The following SHB variants were observed in gnomAD, a reference collection of about 807,000 sequenced individuals.
SHB encodes SH2 domain containing adaptor protein B, also known as SH2 domain-containing adapter protein B.
A neutral mutation model predicts 52.3 loss-of-function variants in SHB; 20 were observed. The observed-to-expected ratio is 0.38, with a 90% CI of 0.27 to 0.56. SHB has a LOEUF of 0.56. Ranked by LOEUF, SHB falls within the 20% of genes least tolerant of loss-of-function variation. The pLI is 0.71. For missense variants in SHB, 825 were observed against 723.3 expected, an observed-to-expected ratio of 1.14 and a Z score of -1.61; for synonymous variants, 397 against 316.5, an observed-to-expected ratio of 1.25 and a Z score of -2.70.
At chr9:37,960,249 C>CA (rs1284912980) in intron 3 of SHB, among the ~76,000 whole-genome samples, 1 of 152,230 alleles carries the variant, frequency 6.6e-6, no homozygotes, top group African/African-American at 2.4e-5. Flanking sequence ...GCACCAAACA[C>CA]AACTGCTCTC....
chr9:38,022,635 C>A (rs1281625872), intron 1 of SHB, among the ~76,000 whole-genome samples: 1 of 152,216 alleles, frequency 6.6e-6, no homozygotes, highest in Non-Finnish European at 1.5e-5. Context: ...CCCCATAACA[C>A]AGGCCCTAGC....
At chr9:37,993,829 T>C (rs1469996684) in intron 2 of SHB, among the ~76,000 whole-genome samples, 1 of 152,208 alleles carries the variant, frequency 6.6e-6, no homozygotes, top group African/African-American at 2.4e-5. Context: ...AAGGTTCTCT[T>C]CTAAATAGGA....
chr9:38,035,919 T>C (rs1389228921), intron 1 of SHB, among the ~76,000 whole-genome samples: 2 of 152,144 alleles, frequency 1.3e-5, no homozygotes, highest in Non-Finnish European at 2.9e-5. Context: ...CCCTAGGAGC[T>C]TGGATACAAT....
intron 1 of SHB, among the ~76,000 whole-genome samples, chr9:38,048,571 T>C (rs1050622378): frequency 2.0e-5 from 3 of 152,078 alleles, no homozygotes. Context: ...GAGGTGGAGG[T>C]TGCTGTGAGC....
intron 2 of SHB, among the ~76,000 whole-genome samples, chr9:37,986,778 G>A (rs1820812262): frequency 6.6e-6 from 1 of 152,208 alleles, no homozygotes. Flanking sequence ...GACAGGGCGG[G>A]CATCCCCGGG....
In SHB at chr9:38,007,643, C is replaced by T. The variant is rs556927346; in HGVS notation, c.838+8368G>A. Among the ~76,000 whole-genome samples, 3 of 152,322 alleles carry T rather than the reference C, an allele frequency of 2.0e-5. No individual in the cohort carries two copies. The East Asian group carries it at 5.8e-4, about 29-fold the overall frequency. On this transcript the variant is annotated intron_variant, in intron 2 of 5. Transcript: ENST00000377707. ...GGTCCCAGGAGTGAATTAATGCACT[C>T]ATTCATTCAACCAGTGTTTACTGAC...
intron 1 of SHB, among the ~76,000 whole-genome samples, chr9:38,024,743 TTTC>T (rs770348976): frequency 1.1e-4 from 16 of 152,130 alleles, no homozygotes; most frequent in Non-Finnish European, 1.8e-4. Flanking sequence ...AATCCTAGAA[TTTC>T]TTAAGTGCTT....
At chr9:38,031,832 G>A (rs572337481) in intron 1 of SHB, among the ~76,000 whole-genome samples, 3 of 152,250 alleles carry the variant, frequency 2.0e-5, no homozygotes, top group East Asian at 1.9e-4. Flanking sequence ...ATCCTGAAAG[G>A]GAGGCAAAGG....
At chr9:38,067,553 G>A (rs1821986454) in intron 1 of SHB, among the ~76,000 whole-genome samples, 1 of 152,214 alleles carries the variant, frequency 6.6e-6, no homozygotes, top group African/African-American at 2.4e-5. Flanking sequence ...TACAGCGTGA[G>A]CGGAGGGTGG....
At chr9:38,051,440 TAAAAA>T (rs59860349) in intron 1 of SHB, among the ~76,000 whole-genome samples, 2 of 107,540 alleles carry the variant, frequency 1.9e-5, no homozygotes, top group Non-Finnish European at 1.8e-5. Context: ...AGACTCCGTC[TAAAAA>T]AAAAAAAAAA....
chr9:38,059,870 G>A (rs570813107), intron 1 of SHB, among the ~76,000 whole-genome samples: 2 of 152,314 alleles, frequency 1.3e-5, no homozygotes, highest in East Asian at 1.9e-4. Context: ...TTCTCCATCT[G>A]CAAAGGGGAG....
intron 1 of SHB, among the ~76,000 whole-genome samples, chr9:38,037,546 GAGA>G (rs1451471630): frequency 1.3e-5 from 2 of 152,202 alleles, no homozygotes; most frequent in African/African-American, 4.8e-5. Context: ...GTGTCACCTT[GAGA>G]AGTTTGCTCA....
rs16934658 is a variant in SHB, at chr9:37,950,546, C to T, written c.1227-1792G>A. On this transcript the variant is annotated intron_variant, in intron 4 of 5. Coordinates refer to ENST00000377707, the MANE Select transcript of SHB (RefSeq NM_003028.3). ...ATTCCTGTTTACATGATGGTCTCTGCGCGGTAGTGGAGGGGGTGAGACTCA... is the reference window on the plus strand; with the variant it reads ...ATTCCTGTTTACATGATGGTCTCTGTGCGGTAGTGGAGGGGGTGAGACTCA... Among the ~76,000 whole-genome samples the T allele has an allele frequency of 3.1e-4, 47 of 152,210 alleles. 2 individuals are homozygous for T. The highest frequency in any genetic ancestry group is 2.8e-3 in the Admixed American group (43 of 15,294).
intron 1 of SHB, among the ~76,000 whole-genome samples, chr9:38,022,850 G>A (rs978117224): frequency 6.6e-6 from 1 of 152,222 alleles, no homozygotes; most frequent in African/African-American, 2.4e-5. Flanking sequence ...AGCCAGTAAA[G>A]GAACACGCTG....
chr9:37,958,230 C>T (rs961967532), intron 3 of SHB, among the ~76,000 whole-genome samples: 4 of 152,188 alleles, frequency 2.6e-5, no homozygotes, highest in Non-Finnish European at 4.4e-5. Flanking sequence ...AGGCAGTGCC[C>T]GCCAGTGGTC....
In SHB at chr9:38,067,924, C is replaced by T; in HGVS notation, c.717+5G>A. The T allele has an allele frequency of 6.6e-7, 1 of 1,513,916 alleles. No individual in the cohort carries two copies. Among genetic ancestry groups the T allele is most frequent in the Non-Finnish European group, 8.8e-7 (1 of 1,141,516 alleles). The allele number at this position is 1,513,916 out of a possible 1,614,324, so 93.8% of individuals were successfully genotyped here. ...ACCTCGGGAAGAGGCCAAGGGGCAC[C>T]TTACCTTGTCCTTCTTGCCGGCCCC... On this transcript the variant is annotated splice_donor_5th_base_variant and intron_variant, in intron 1 of 5. Coordinates refer to ENST00000377707, the MANE Select transcript of SHB (RefSeq NM_003028.3).
In SHB at chr9:38,067,914, C is replaced by CA. The variant is rs201550127; in HGVS notation, c.717+14dup. On this transcript the variant is annotated intron_variant, in intron 1 of 5. Transcript: ENST00000377707. ...TGGCTCTGGAACCTCGGGAAGAGGC[C>CA]AAGGGGCACCTTACCTTGTCCTTCT... 3,672 of 1,486,302 alleles carry CA rather than the reference C, an allele frequency of 2.5e-3. 66 individuals are homozygous for CA. The African/African-American group carries it at 0.047, about 19-fold the overall frequency. 92.1% of individuals were successfully genotyped at this position (1,486,302 alleles called of 1,614,324 possible). A position where few individuals can be genotyped will look rare whatever the true frequency, so the allele number is the denominator to read the frequency against.
intron 5 of SHB, among the ~76,000 whole-genome samples, chr9:37,931,207 A>AT (rs1232650299): frequency 6.6e-6 from 1 of 152,158 alleles, no homozygotes; most frequent in African/African-American, 2.4e-5. Context: ...CTTGGCAATG[A>AT]TTTTTTTGGA....
At chr9:38,067,834 G>T (rs1010281496) in intron 1 of SHB, 95 bp downstream of exon 1, 2 of 1,295,152 alleles carry the variant, frequency 1.5e-6, no homozygotes, top group Non-Finnish European at 2.0e-6. Context: ...GGCCGAAGCT[G>T]AAGTAGAGAC....
Sources: allele counts gnomAD v4.1 joint callset (sites outside exome capture counted in the v4.1 genomes callset), GRCh38; gene constraint gnomAD v4.1.1; transcripts MANE v1.5; gene names NCBI Gene and HGNC (gene_info 2026-07-23, HGNC 2026-07-21).